The following TPRG1 variants were observed in gnomAD, a reference collection of about 807,000 sequenced individuals.
The protein encoded by TPRG1 is tumor protein p63-regulated gene 1 protein.
TPRG1 carries 29 observed loss-of-function variants against 29.3 expected under a neutral mutation model. That is an observed-to-expected ratio of 0.99 (90% CI 0.74 to 1.35). The LOEUF (loss-of-function observed/expected upper bound fraction) is 1.35, where lower values mean the gene tolerates loss of function less well. TPRG1 is among the 40% of genes most tolerant of loss of function. TPRG1 has a pLI of 0.00. For synonymous variants in TPRG1, 130 were observed against 116.8 expected (o/e 1.11, Z -0.73); for missense variants, 327 against 335.0 (o/e 0.98, Z 0.19).
chr3:189,230,108 T>C (rs1421717604), intron 3 of TPRG1, among the ~76,000 whole-genome samples: 1 of 152,190 alleles, frequency 6.6e-6, no homozygotes, highest in Non-Finnish European at 1.5e-5. Context: ...GCTCCTGGTG[T>C]GCTGTAGAGT....
chr3:189,093,708 C>T (rs1718490584), intron 4 of TPRG1, among the ~76,000 whole-genome samples: 1 of 152,094 alleles, frequency 6.6e-6, no homozygotes, highest in Non-Finnish European at 1.5e-5. Context: ...ATTTTGGGCT[C>T]ATGCCACTAA....
At chr3:189,239,367 C>T (rs1740131836) in intron 4 of TPRG1, among the ~76,000 whole-genome samples, 1 of 152,144 alleles carries the variant, frequency 6.6e-6, no homozygotes, top group South Asian at 2.1e-4. Flanking sequence ...AATTACCTCC[C>T]CCTGGTTCCC....
chr3:189,100,214 C>T (rs1578349837), intron 1 of TPRG1: 1 of 152,292 alleles, frequency 6.6e-6, no homozygotes, highest in South Asian at 2.1e-4. Flanking sequence ...GGTAGGTGGG[C>T]TCTAGTCTGC....
intron 4 of TPRG1, among the ~76,000 whole-genome samples, chr3:189,057,107 G>A (rs1367302059): frequency 6.6e-6 from 1 of 152,178 alleles, no homozygotes; most frequent in Admixed American, 6.6e-5. Context: ...GGGCCCGTTA[G>A]GATTGGGGAG....
At chr3:189,206,215 AACTT>A (rs1356270121) in intron 1 of TPRG1, among the ~76,000 whole-genome samples, 6 of 147,364 alleles carry the variant, frequency 4.1e-5, no homozygotes, top group South Asian at 2.1e-4. Flanking sequence ...AATATTTTTT[AACTT>A]ACTTTTTTCC....
chr3:189,266,151 A>G (rs1318277116), intron 4 of TPRG1, among the ~76,000 whole-genome samples: 3 of 152,206 alleles, frequency 2.0e-5, no homozygotes, highest in African/African-American at 7.2e-5. Flanking sequence ...AATTTGTAAA[A>G]TAGAATTAAT....
chr3:189,260,126 T>G (rs1004676418), intron 4 of TPRG1, among the ~76,000 whole-genome samples: 2 of 152,180 alleles, frequency 1.3e-5, no homozygotes, highest in South Asian at 4.1e-4. Context: ...TAACAATCCA[T>G]GCGTCGGTCT....
chr3:189,137,486 T>A (rs1723916553), intron 3 of TPRG1, among the ~76,000 whole-genome samples: 1 of 152,140 alleles, frequency 6.6e-6, no homozygotes, highest in South Asian at 2.1e-4. Context: ...TGTCCTTAAG[T>A]TGTACAGAGC....
chr3:189,113,825 G>A (rs951540779), intron 1 of TPRG1, among the ~76,000 whole-genome samples: 8 of 151,898 alleles, frequency 5.3e-5, no homozygotes, highest in African/African-American at 1.2e-4. Context: ...GCTAAATGAC[G>A]AGTTAATGGG....
chr3:189,060,934 GA>G (rs1560420932), intron 4 of TPRG1, among the ~76,000 whole-genome samples: 2 of 151,916 alleles, frequency 1.3e-5, no homozygotes, highest in African/African-American at 4.8e-5. Context: ...CACAGAACTA[GA>G]AAAAAACTAT....
chr3:189,067,563 C>T (rs999326406), intron 4 of TPRG1, among the ~76,000 whole-genome samples: 7 of 151,958 alleles, frequency 4.6e-5, no homozygotes, highest in African/African-American at 7.2e-5. Flanking sequence ...AGAAAATACA[C>T]GGGGGAAAAG....
chr3:189,271,405 ATATAG>A lies in TPRG1; in HGVS notation c.479+32501_479+32505del, dbSNP rs140038249. ...TCTGCAGCTGTTTGCAGAGTCTTGC[ATATAG>A]TATATGTCTAACTTAAGCTTGCCCA... On this transcript the variant is annotated intron_variant, in intron 4 of 5. Transcript: ENST00000345063. 4.1e-3 allele frequency among the ~76,000 whole-genome samples: 632 copies of A among 152,316 alleles called. 1 individual carries two copies. The highest frequency in any genetic ancestry group is 6.3e-3 in the Non-Finnish European group (430 of 68,036).
chr3:189,139,696 T>G (rs1724278945), intron 3 of TPRG1, among the ~76,000 whole-genome samples: 1 of 151,780 alleles, frequency 6.6e-6, no homozygotes, highest in African/African-American at 2.4e-5. Context: ...AAAAAAATGT[T>G]AGTCGTACTC....
chr3:189,078,053 T>TC (rs1560430564), intron 4 of TPRG1, among the ~76,000 whole-genome samples: 43 of 148,428 alleles, frequency 2.9e-4, no homozygotes, highest in African/African-American at 9.5e-4. Flanking sequence ...CCTTCCTTCC[T>TC]TCCTTCCTTT....
chr3:189,220,904 C>T (rs1343484420), intron 3 of TPRG1, among the ~76,000 whole-genome samples: 2 of 152,118 alleles, frequency 1.3e-5, no homozygotes, highest in Non-Finnish European at 2.9e-5. Context: ...ATGTATATAA[C>T]ATTTATGATC....
At chr3:189,067,658 T>TA (rs886422688) in intron 4 of TPRG1, among the ~76,000 whole-genome samples, 14 of 151,840 alleles carry the variant, frequency 9.2e-5, no homozygotes, top group Non-Finnish European at 1.3e-4. Context: ...TTCACATATG[T>TA]AAAAAAAATC....
At chr3:189,241,571 G>T (rs1740601511) in intron 4 of TPRG1, among the ~76,000 whole-genome samples, 2 of 151,644 alleles carry the variant, frequency 1.3e-5, no homozygotes. Flanking sequence ...ACATTATTAT[G>T]CTATTTTTCA....
chr3:189,286,065 T>C (rs1330984922), intron 4 of TPRG1, among the ~76,000 whole-genome samples: 1 of 152,126 alleles, frequency 6.6e-6, no homozygotes, highest in African/African-American at 2.4e-5. Flanking sequence ...AAGCTCACTC[T>C]GCTAGAAACA....
intron 1 of TPRG1, among the ~76,000 whole-genome samples, chr3:189,197,267 C>A (rs1456422304): frequency 6.6e-6 from 1 of 152,148 alleles, no homozygotes; most frequent in Non-Finnish European, 1.5e-5. Context: ...TATCTCTCTG[C>A]TTCTTTCTTG....
Sources: allele counts gnomAD v4.1 joint callset (sites outside exome capture counted in the v4.1 genomes callset), GRCh38; gene constraint gnomAD v4.1.1; transcripts MANE v1.5; gene names NCBI Gene and HGNC (gene_info 2026-07-23, HGNC 2026-07-21).